The following SLC9C2 variants were observed in gnomAD, a reference collection of about 807,000 sequenced individuals.
The protein encoded by SLC9C2 is sodium/hydrogen exchanger 11.
Under a neutral mutation model 140.2 loss-of-function variants are expected in SLC9C2, and 75 were observed. The observed-to-expected ratio is 0.53, with a 90% CI of 0.44 to 0.65. The LOEUF (loss-of-function observed/expected upper bound fraction) is 0.65, where lower values mean the gene tolerates loss of function less well. Ranked by LOEUF, SLC9C2 falls within the 30% of genes least tolerant of loss-of-function variation. The pLI is 0.00. For synonymous variants in SLC9C2, 375 were observed against 420.9 expected (o/e 0.89, Z 1.34); for missense variants, 1,074 against 1,331.8 (o/e 0.81, Z 3.01).
chr1:173,582,347 A>G (rs1159848182), intron 6 of SLC9C2, among the ~76,000 whole-genome samples: 2 of 152,244 alleles, frequency 1.3e-5, no homozygotes, highest in Non-Finnish European at 2.9e-5. Context: ...AAATTTTTAG[A>G]TAAACTATGT....
intron 5 of SLC9C2, among the ~76,000 whole-genome samples, chr1:173,586,338 A>G (rs1665846847): frequency 6.6e-6 from 1 of 152,194 alleles, no homozygotes; most frequent in South Asian, 2.1e-4. Flanking sequence ...AGAATATCAC[A>G]AGCTGGAAAG....
intron 9 of SLC9C2, among the ~76,000 whole-genome samples, chr1:173,563,251 TCAC>T (rs1399280254): frequency 2.6e-5 from 4 of 151,978 alleles, no homozygotes; most frequent in Non-Finnish European, 5.9e-5. Context: ...AAGGTCTTTA[TCAC>T]AGTCTCACAG....
intron 4 of SLC9C2, among the ~76,000 whole-genome samples, chr1:173,590,361 T>C (rs534404477): frequency 1.3e-5 from 2 of 152,164 alleles, no homozygotes; most frequent in African/African-American, 4.8e-5. Context: ...TAAGAAGTCT[T>C]AATATGTATA....
intron 4 of SLC9C2, among the ~76,000 whole-genome samples, chr1:173,589,406 A>G (rs1666033626): frequency 1.3e-5 from 2 of 152,036 alleles, no homozygotes; most frequent in Non-Finnish European, 2.9e-5. Context: ...AAAAATAAGA[A>G]AAAATTAGCC....
At chr1:173,504,728 T>A (rs1659509794) in intron 26 of SLC9C2, among the ~76,000 whole-genome samples, 1 of 152,186 alleles carries the variant, frequency 6.6e-6, no homozygotes, top group Non-Finnish European at 1.5e-5. Flanking sequence ...CTTAGCACCA[T>A]GATGCATGCA....
At position 173,529,899 on chromosome 1, in the gene SLC9C2, T is replaced by G; in HGVS notation, c.2313+6A>C. On this transcript the variant is annotated splice_donor_region_variant and intron_variant, in intron 18 of 27. Coordinates refer to ENST00000367714, the MANE Select transcript of SLC9C2 (RefSeq NM_178527.4). The stretch of plus-strand genomic sequence containing the variant: ...TCTCCCCAAATGACCAGTGCTTGTT[T>G]CTCACCTGATATATTGATTCACAGA... 6.2e-7 allele frequency: 1 copy of G among 1,604,106 alleles called. No individual in the cohort carries two copies. Among genetic ancestry groups the G allele is most frequent in the East Asian group, 2.2e-5 (1 of 44,836 alleles).
chr1:173,503,473 C>G, intron 26 of SLC9C2, 147 bp from the exon 27 acceptor site: 1 of 733,970 alleles, frequency 1.4e-6, no homozygotes, highest in Non-Finnish European at 2.2e-6. Context: ...GTTTTTCTTC[C>G]CTCAGAGGTT....
chr1:173,575,801 A>C (rs1029915520), intron 8 of SLC9C2, among the ~76,000 whole-genome samples: 13 of 151,994 alleles, frequency 8.6e-5, no homozygotes, highest in Non-Finnish European at 2.9e-5. Flanking sequence ...GATGGTCTCG[A>C]TCTCCTGACC....
rs150518585 is a variant in SLC9C2, at chr1:173,573,400, T to C, written c.903-75A>G. 3 of 1,026,906 alleles carry C rather than the reference T, an allele frequency of 2.9e-6. No individual in the cohort carries two copies. In the East Asian group the frequency reaches 8.4e-5, roughly 29 times the overall value. 63.6% of individuals were successfully genotyped at this position (1,026,906 alleles called of 1,614,324 possible). On this transcript the variant is annotated intron_variant, in intron 8 of 27. Transcript: ENST00000367714. ...ATATTTTCCTTTTCATATAAAATCA[T>C]ATATCTTATATCTACCATGCTGTCT...
intron 18 of SLC9C2, among the ~76,000 whole-genome samples, chr1:173,528,699 T>A (rs1466130212): frequency 6.6e-6 from 1 of 152,196 alleles, no homozygotes; most frequent in Non-Finnish European, 1.5e-5. Flanking sequence ...ACATAACCTC[T>A]AGGCCATCCA....
At position 173,526,236 on chromosome 1, in the gene SLC9C2, G is replaced by A. The variant is rs149677554; in HGVS notation, c.2365+427C>T. Among the ~76,000 whole-genome samples, 243 of 152,292 alleles carry A rather than the reference G, an allele frequency of 1.6e-3. 4 individuals are homozygous for A. The East Asian group carries it at 0.037, about 23-fold the overall frequency. On this transcript the variant is annotated intron_variant, in intron 19 of 27. Transcript: ENST00000367714. ...TGTAGATACTCAGGAAATGACATTC[G>A]TTGCAGCCCTATGTTCCAGAGTATC... is the stretch of plus-strand genomic sequence containing the variant.
chr1:173,601,972 A>G, intron 1 of SLC9C2, 117 bp from the exon 2 acceptor site: 1 of 625,224 alleles, frequency 1.6e-6, no homozygotes, highest in Non-Finnish European at 2.8e-6. Context: ...CACAGGGCAC[A>G]CATTAATACC....
intron 20 of SLC9C2, 39 bp from the exon 21 acceptor site, chr1:173,524,133 G>A (rs768112557): frequency 1.3e-6 from 2 of 1,552,186 alleles, no homozygotes. Context: ...ATCAGATCCT[G>A]TAACAGAAAA....
intron 9 of SLC9C2, among the ~76,000 whole-genome samples, chr1:173,570,066 G>T (rs1284465021): frequency 6.6e-6 from 1 of 152,096 alleles, no homozygotes. Flanking sequence ...CAGGGCAGAG[G>T]TCTCCCCTCT....
intron 4 of SLC9C2, among the ~76,000 whole-genome samples, chr1:173,593,725 C>T (rs1322495470): frequency 1.3e-5 from 2 of 151,998 alleles, no homozygotes; most frequent in Admixed American, 1.3e-4. Context: ...GGGGCTGTTA[C>T]CCTAATTTTA....
chr1:173,521,407 G>GA lies in SLC9C2; in HGVS notation c.2641-9_2641-8insT. Reference sequence around the variant, plus strand: ...GGCAAGTTTGGCTCTTTCCTGAGTGGGAAAAAAAAAAACGAAAAGAAAAAG... The same window carrying GA: ...GGCAAGTTTGGCTCTTTCCTGAGTGGAGAAAAAAAAAAACGAAAAGAAAAAG... On this transcript the variant is annotated splice_polypyrimidine_tract_variant and intron_variant, in intron 21 of 27. Transcript: ENST00000367714. 7.0e-7 allele frequency: 1 copy of GA among 1,422,162 alleles called. No homozygotes were observed. Among genetic ancestry groups the GA allele is most frequent in the Non-Finnish European group, 9.2e-7 (1 of 1,083,948 alleles). 88.1% of individuals were successfully genotyped at this position (1,422,162 alleles called of 1,614,324 possible). A position where few individuals can be genotyped will look rare whatever the true frequency, so the allele number is the denominator to read the frequency against.
chr1:173,564,631 CCTTTT>C (rs1335127842), intron 9 of SLC9C2, among the ~76,000 whole-genome samples: 1 of 142,444 alleles, frequency 7.0e-6, no homozygotes, highest in Non-Finnish European at 1.5e-5. Context: ...GTTTTCTTTT[CCTTTT>C]CTTTTTTTTT....
intron 9 of SLC9C2, among the ~76,000 whole-genome samples, chr1:173,570,865 C>T (rs12042027): frequency 0.14 from 21,177 of 151,906 alleles, 1,771 homozygotes; most frequent in East Asian, 0.32. Flanking sequence ...TCCCCAAGTG[C>T]ACAGATTCTC....
chr1:173,505,606 C>A lies in SLC9C2; in HGVS notation c.3226-275G>T, dbSNP rs916381933. Among the ~76,000 whole-genome samples the A allele has an allele frequency of 3.9e-5, 6 of 152,174 alleles. No individual in the cohort carries two copies. In the South Asian group the frequency reaches 1.2e-3, roughly 32 times the overall value. On this transcript the variant is annotated intron_variant, in intron 25 of 27. Coordinates refer to ENST00000367714, the MANE Select transcript of SLC9C2 (RefSeq NM_178527.4). Reference sequence around the variant, plus strand: ...AGTTTGGAAAGCAGGGAATCCCCAGCATCCAGTAAGCTACTTTTACTCCTA... The same window carrying A: ...AGTTTGGAAAGCAGGGAATCCCCAGAATCCAGTAAGCTACTTTTACTCCTA...
Sources: gnomAD v4.1 joint callset for allele counts (sites outside exome capture counted in the v4.1 genomes callset) on GRCh38, gnomAD v4.1.1 for gene constraint, MANE v1.5 for transcripts, NCBI Gene and HGNC (gene_info 2026-07-23, HGNC 2026-07-21) for gene names.